The following ARB2A variants were observed in gnomAD, a reference collection of about 807,000 sequenced individuals.
ARB2A encodes the protein cotranscriptional regulator ARB2A.
At chr5:94,002,204 T>C in the ARB2A span, among the ~76,000 whole-genome samples, 1 of 152,078 alleles carries the variant, frequency 6.6e-6, no homozygotes, top group Non-Finnish European at 1.5e-5. Flanking sequence ...TAATTTACCC[T>C]GAGGGTAGAC....
chr5:93,738,796 A>G, the ARB2A span: 1 of 152,264 alleles, frequency 6.6e-6, no homozygotes, highest in African/African-American at 2.4e-5. Context: ...GGATAGGGGA[A>G]TGGAGTTATT....
chr5:93,773,413 A>G, the ARB2A span, among the ~76,000 whole-genome samples: 798 of 152,280 alleles, frequency 5.2e-3, 2 homozygotes, highest in Non-Finnish European at 8.7e-3. Flanking sequence ...CAATGCAGGA[A>G]ATGCTCCAGA....
the ARB2A span, among the ~76,000 whole-genome samples, chr5:93,790,478 T>C: frequency 6.6e-6 from 1 of 152,216 alleles, no homozygotes. Context: ...GCAAGACTTC[T>C]ATAACTGCAT....
At chr5:93,673,211 G>A in the ARB2A span, among the ~76,000 whole-genome samples, 1 of 152,146 alleles carries the variant, frequency 6.6e-6, no homozygotes, top group Non-Finnish European at 1.5e-5. Flanking sequence ...TAAAAATAGA[G>A]AGTTTTTAAG....
At chr5:93,853,024 T>A in the ARB2A span, among the ~76,000 whole-genome samples, 1 of 152,228 alleles carries the variant, frequency 6.6e-6, no homozygotes, top group South Asian at 2.1e-4. Flanking sequence ...GGGGATGGCA[T>A]TGGATCTATA....
At chr5:94,036,199 C>G in the ARB2A span, among the ~76,000 whole-genome samples, 2 of 152,026 alleles carry the variant, frequency 1.3e-5, no homozygotes, top group Non-Finnish European at 2.9e-5. Flanking sequence ...TCATATGTTT[C>G]ATTTTCTTTT....
chr5:94,082,889 C>A, the ARB2A span, among the ~76,000 whole-genome samples: 1 of 152,132 alleles, frequency 6.6e-6, no homozygotes, highest in Non-Finnish European at 1.5e-5. Flanking sequence ...AAATTTGAAA[C>A]TTCAAGTCAC....
At chr5:93,922,861 G>T in the ARB2A span, among the ~76,000 whole-genome samples, 1 of 152,014 alleles carries the variant, frequency 6.6e-6, no homozygotes, top group Admixed American at 6.6e-5. Flanking sequence ...TTATGACATG[G>T]ATCCTTCAAT....
the ARB2A span, among the ~76,000 whole-genome samples, chr5:93,779,672 C>T: frequency 1.3e-5 from 2 of 152,080 alleles, no homozygotes; most frequent in African/African-American, 2.4e-5. Flanking sequence ...TTGGCCAGGG[C>T]GGGCAGATAG....
At chr5:93,667,710 T>C in the ARB2A span, among the ~76,000 whole-genome samples, 9 of 152,170 alleles carry the variant, frequency 5.9e-5, no homozygotes, top group Middle Eastern at 3.4e-3. Context: ...CCTCCTGGCA[T>C]GGGGATTACA....
chr5:93,754,536 A>G, the ARB2A span, among the ~76,000 whole-genome samples: 1 of 152,222 alleles, frequency 6.6e-6, no homozygotes, highest in Non-Finnish European at 1.5e-5. Flanking sequence ...CCCAGGTAGA[A>G]CCAATCTAGC....
chr5:93,948,728 G>A, the ARB2A span, among the ~76,000 whole-genome samples: 2 of 152,056 alleles, frequency 1.3e-5, no homozygotes, highest in Non-Finnish European at 2.9e-5. Flanking sequence ...TTCTACATAC[G>A]GCTAGCCAGT....
At chr5:94,035,255 ATCAC>A in the ARB2A span, among the ~76,000 whole-genome samples, 15 of 151,882 alleles carry the variant, frequency 9.9e-5, no homozygotes, top group South Asian at 6.2e-4. Context: ...ATACATATAC[ATCAC>A]TATATGTATG....
At chr5:93,956,634 A>G in the ARB2A span, among the ~76,000 whole-genome samples, 2 of 152,082 alleles carry the variant, frequency 1.3e-5, no homozygotes, top group African/African-American at 4.8e-5. Context: ...AACTTTAGAA[A>G]AAGTCCAAAC....
the ARB2A span, among the ~76,000 whole-genome samples, chr5:93,823,707 A>C: frequency 6.6e-6 from 1 of 152,196 alleles, no homozygotes; most frequent in East Asian, 1.9e-4. Flanking sequence ...GTCACCATAA[A>C]ATAAAGTAGT....
chr5:93,706,603 C>A, the ARB2A span, among the ~76,000 whole-genome samples: 1 of 151,970 alleles, frequency 6.6e-6, no homozygotes, highest in Non-Finnish European at 1.5e-5. Context: ...CACGGTGGCT[C>A]ACGTCTGTAA....
the ARB2A span, among the ~76,000 whole-genome samples, chr5:93,772,681 A>G: frequency 2.9e-4 from 44 of 152,292 alleles, no homozygotes; most frequent in Non-Finnish European, 4.7e-4. Context: ...AGTCATCTCA[A>G]AGAGCTCAAC....
chr5:94,046,308 C>A, the ARB2A span, among the ~76,000 whole-genome samples: 1 of 152,146 alleles, frequency 6.6e-6, no homozygotes. Flanking sequence ...TTTACCTCCC[C>A]CTCACCAGAC....
At chr5:93,927,531 G>C in the ARB2A span, among the ~76,000 whole-genome samples, 1 of 152,098 alleles carries the variant, frequency 6.6e-6, no homozygotes, top group Admixed American at 6.5e-5. Flanking sequence ...CTTGCTTATA[G>C]GTCTTGCTCT....
Sources: allele counts gnomAD v4.1 joint callset (sites outside exome capture counted in the v4.1 genomes callset), GRCh38; gene constraint gnomAD v4.1.1; transcripts MANE v1.5; gene names NCBI Gene and HGNC (gene_info 2026-07-23, HGNC 2026-07-21).